The following DNAH11 variants were observed in gnomAD, a reference collection of about 807,000 sequenced individuals.
DNAH11 encodes dynein axonemal heavy chain 11.
Under a neutral mutation model 526.0 loss-of-function variants are expected in DNAH11, and 442 were observed. The ratio of observed to expected loss-of-function variants is 0.84; its 90% CI spans 0.78 to 0.91. The LOEUF is 0.91. DNAH11 is among the 40% of genes least tolerant of loss of function. The pLI is 0.00. For synonymous variants in DNAH11, 2,461 were observed against 1,935.9 expected (o/e 1.27, Z -7.12); for missense variants, 6,989 against 5,448.7 (o/e 1.28, Z -8.90).
intron 56 of DNAH11, among the ~76,000 whole-genome samples, chr7:21,776,986 A>G (rs560613724): frequency 3.5e-4 from 53 of 151,900 alleles, no homozygotes; most frequent in Admixed American, 9.2e-4. Flanking sequence ...GTTTTATCAC[A>G]TGTAGGTCTG....
intron 73 of DNAH11, 126 bp from the exon 74 acceptor site, chr7:21,873,148 G>T: frequency 1.6e-5 from 13 of 829,642 alleles, no homozygotes; most frequent in East Asian, 2.9e-5. Context: ...ATGATGTATT[G>T]ATAAAGGAAA....
intron 81 of DNAH11, 38 bp from the exon 82 acceptor site, chr7:21,900,969 G>C (rs750500170): frequency 6.5e-7 from 1 of 1,526,922 alleles, no homozygotes. Flanking sequence ...TTAGTAGCAA[G>C]CTGCCACACA....
intron 65 of DNAH11, among the ~76,000 whole-genome samples, chr7:21,836,440 A>G (rs1363165486): frequency 6.6e-6 from 1 of 152,156 alleles, no homozygotes; most frequent in Non-Finnish European, 1.5e-5. Flanking sequence ...CCCAGAAATC[A>G]CACACTTATA....
intron 4 of DNAH11, among the ~76,000 whole-genome samples, chr7:21,560,141 A>T (rs2128431454): frequency 6.6e-6 from 1 of 152,270 alleles, no homozygotes; most frequent in East Asian, 1.9e-4. Flanking sequence ...CAGCTTTGGA[A>T]AGACTAACTT....
At chr7:21,582,675 A>G (rs1451882303) in intron 9 of DNAH11, among the ~76,000 whole-genome samples, 1 of 152,186 alleles carries the variant, frequency 6.6e-6, no homozygotes, top group East Asian at 1.9e-4. Context: ...AATATGAGGA[A>G]TAGCAACACC....
Position 21,744,603 on chromosome 7 carries a change from A to C in DNAH11, c.8316+4A>C, listed in dbSNP as rs779800733. On this transcript the variant is annotated splice_donor_region_variant and intron_variant, in intron 50 of 81. Coordinates refer to ENST00000409508, the MANE Select transcript of DNAH11 (RefSeq NM_001277115.2). ...AACTGCTTATAAATATTTTGAAGTA[A>C]GCGTATGAATGTCAGAGGTCACTAC... is the stretch of plus-strand genomic sequence containing the variant. 46 of 1,612,204 alleles carry C rather than the reference A, an allele frequency of 2.9e-5. No individual in the cohort carries two copies. The East Asian group carries it at 9.8e-4, about 34-fold the overall frequency.
At chr7:21,864,400 G>A in intron 69 of DNAH11, 135 bp from the exon 70 acceptor site, 1 of 663,438 alleles carries the variant, frequency 1.5e-6, no homozygotes, top group Non-Finnish European at 2.4e-6. Context: ...TTCAACAGTA[G>A]AACAGATGTC....
chr7:21,885,590 A>C (rs908537749), intron 76 of DNAH11, among the ~76,000 whole-genome samples: 4 of 152,134 alleles, frequency 2.6e-5, no homozygotes, highest in African/African-American at 9.7e-5. Flanking sequence ...TATATCTAAA[A>C]ATAGCTAGAA....
At position 21,786,623 on chromosome 7, in the gene DNAH11, G is replaced by C; in HGVS notation, c.9598-1G>C. The C allele has an allele frequency of 6.2e-7, 1 of 1,610,134 alleles. No individual in the cohort carries two copies. ...ACGTGTTTCTGTGTGCTTTTCTTCA[G>C]GTCAACCTCAGTGAGCTGAAAGCCT... On this transcript the variant is annotated splice_acceptor_variant, in intron 58 of 81. Transcript: ENST00000409508. LOFTEE classifies it high-confidence loss of function.
In DNAH11 at chr7:21,863,076, AAAAG is replaced by A. The variant is rs1216339243; in HGVS notation, c.11373+1057_11373+1060del. Among the ~76,000 whole-genome samples the A allele has an allele frequency of 4.7e-4, 70 of 147,952 alleles. 1 individual carries two copies. Among genetic ancestry groups the A allele is most frequent in the African/African-American group, 1.6e-3 (63 of 39,946 alleles). ...GAGACTCCGTCTCAAAAAAAAAAAAAAAAGAAAAAGAAAAGAAAAAGCGTTCGTG... is the reference window on the plus strand; with the variant it reads ...GAGACTCCGTCTCAAAAAAAAAAAAAAAAAAGAAAAGAAAAAGCGTTCGTG... On this transcript the variant is annotated intron_variant, in intron 69 of 81. Coordinates refer to ENST00000409508, the MANE Select transcript of DNAH11 (RefSeq NM_001277115.2).
At chr7:21,840,635 G>C (rs1026093473) in intron 65 of DNAH11, among the ~76,000 whole-genome samples, 2 of 152,052 alleles carry the variant, frequency 1.3e-5, no homozygotes, top group African/African-American at 4.8e-5. Context: ...CCTCATAGCA[G>C]GTTCCTAGCA....
intron 73 of DNAH11, among the ~76,000 whole-genome samples, chr7:21,873,035 GAC>G (rs1783559765): frequency 6.6e-6 from 1 of 151,638 alleles, no homozygotes; most frequent in Non-Finnish European, 1.5e-5. Context: ...GGATTACAAA[GAC>G]AGTCTGTGTT....
intron 63 of DNAH11, among the ~76,000 whole-genome samples, chr7:21,808,339 GTAAA>G (rs1255535748): frequency 6.6e-6 from 1 of 152,128 alleles, no homozygotes; most frequent in Non-Finnish European, 1.5e-5. Flanking sequence ...TCAAGTCAGA[GTAAA>G]TAAGATATCT....
rs779418811 is a variant in DNAH11 at position 21,852,642 on chromosome 7, C to T, written c.11061+11C>T. ...GAGATAGAGCACAAGGTAGGAAGGG[C>T]AGAGGGTGCCTGGCAGATTCTAATG... is the stretch of plus-strand genomic sequence containing the variant. On this transcript the variant is annotated intron_variant, in intron 67 of 81. Coordinates refer to ENST00000409508, the MANE Select transcript of DNAH11 (RefSeq NM_001277115.2). The T allele has an allele frequency of 1.3e-6, 2 of 1,566,554 alleles. No individual in the cohort carries two copies. The highest frequency in any genetic ancestry group is 2.4e-5 in the South Asian group (2 of 81,666).
intron 20 of DNAH11, among the ~76,000 whole-genome samples, chr7:21,607,799 A>G (rs1157594596): frequency 1.3e-5 from 2 of 151,862 alleles, no homozygotes; most frequent in East Asian, 1.9e-4. Flanking sequence ...ATTGCTGGGC[A>G]TGGTGGTGGG....
intron 18 of DNAH11, 24 bp from the exon 19 acceptor site, chr7:21,606,402 G>C (rs373675423): frequency 6.4e-7 from 1 of 1,556,434 alleles, no homozygotes; most frequent in Non-Finnish European, 8.8e-7. Flanking sequence ...AAGTAATTTC[G>C]CATTTGTGCC....
chr7:21,790,562 T>C (rs1039021808), intron 61 of DNAH11, among the ~76,000 whole-genome samples: 2 of 152,230 alleles, frequency 1.3e-5, no homozygotes, highest in African/African-American at 4.8e-5. Flanking sequence ...ATTATCAATA[T>C]ATATGTGGCT....
intron 71 of DNAH11, 92 bp downstream of exon 71, chr7:21,866,755 C>A: frequency 7.4e-7 from 1 of 1,350,748 alleles, no homozygotes. Flanking sequence ...AAGTGTTTAC[C>A]ATCCATTTTG....
intron 61 of DNAH11, among the ~76,000 whole-genome samples, chr7:21,800,451 G>C (rs1050892786): frequency 6.6e-6 from 1 of 152,120 alleles, no homozygotes; most frequent in African/African-American, 2.4e-5. Context: ...GGCCAACATG[G>C]CGAAACCTCA....
Sources: gnomAD v4.1 joint callset for allele counts (sites outside exome capture counted in the v4.1 genomes callset) on GRCh38, gnomAD v4.1.1 for gene constraint, MANE v1.5 for transcripts, NCBI Gene and HGNC (gene_info 2026-07-23, HGNC 2026-07-21) for gene names.